Variants in RNF17 observed in about 807,000 individuals in gnomAD.
RNF17 encodes ring finger protein 17.
In RNF17, 31 loss-of-function variants were observed where a neutral mutation model predicts 200.5. The observed-to-expected ratio is 0.15, with a 90% CI of 0.12 to 0.21. The LOEUF (loss-of-function observed/expected upper bound fraction) is 0.21. Ranked by LOEUF, RNF17 falls within the 10% of genes least tolerant of loss-of-function variation. The probability of loss-of-function intolerance (pLI) is 1.00; values close to 1 mark genes in which losing one functional copy is unlikely to be tolerated. For missense variants in RNF17, 1,628 were observed against 1,905.1 expected, an observed-to-expected ratio of 0.85 and a Z score of 2.71; for synonymous variants, 606 against 637.8, an observed-to-expected ratio of 0.95 and a Z score of 0.75.
chr13:24,885,515 A>T, the RNF17 span: 1 of 1,218,974 alleles, frequency 8.2e-7, no homozygotes, highest in Non-Finnish European at 1.2e-6. Flanking sequence ...ACTCTTTTTT[A>T]CACGTGGTTT....
chr13:24,825,514 C>T, intron 15 of RNF17, 105 bp from the exon 16 acceptor site: 4 of 769,412 alleles, frequency 5.2e-6, no homozygotes, highest in Admixed American at 4.9e-5. Flanking sequence ...ACATTCAATT[C>T]AAGTTTTAAT....
In RNF17 at chr13:24,789,421, C is replaced by T; in HGVS notation, c.857C>T (p.Pro286Leu). The T allele has an allele frequency of 6.3e-7, 1 of 1,590,146 alleles. No homozygotes were observed. Among genetic ancestry groups the T allele is most frequent in the Non-Finnish European group, 8.6e-7 (1 of 1,160,356 alleles). The change falls in exon 8 of 36, where the codon CCC becomes CTC. Residue 286 changes from proline (P) to leucine (L), a missense_variant. Pro to Leu is a moderately conservative substitution (Grantham distance 98, BLOSUM62 -3). Coordinates refer to ENST00000255324, the MANE Select transcript of RNF17 (RefSeq NM_031277.3). ...QVSSPQLRNPPRLSVNCSEII... is the reference protein window; with the variant it reads ...QVSSPQLRNPLRLSVNCSEII... Reference sequence around the variant, plus strand: ...AGTTCTCCACAACTAAGGAACCCTCCCAGGTAAGTAAGTCATAGTTCAGGA... The same window carrying T: ...AGTTCTCCACAACTAAGGAACCCTCTCAGGTAAGTAAGTCATAGTTCAGGA...
chr13:24,789,388 C>A lies in RNF17; in HGVS notation c.824C>A (p.Ala275Glu), dbSNP rs1883554340. The A allele has an allele frequency of 2.5e-6, 4 of 1,605,266 alleles. No homozygotes were observed. The Admixed American group carries it at 5.0e-5, about 20-fold the overall frequency. ...CAGTTAACTTCAGATAGTGAATTAG[C>A]ACAAGTTAGTTCTCCACAACTAAGG... ...TLQLTSDSEL[A>E]QVSSPQLRNP... The change falls in exon 8 of 36, where the codon GCA (alanine) becomes GAA (glutamate). Residue 275 changes from alanine to glutamate, a missense_variant. Physicochemically the swap from Ala to Glu is moderately radical, Grantham distance 107. This residue lies in a region of RNF17 where 502 missense variants were observed against 501.7 expected (regional missense o/e 1.00). Transcript: ENST00000255324.
intron 25 of RNF17, among the ~76,000 whole-genome samples, chr13:24,854,735 C>T (rs1892282477): frequency 6.6e-6 from 1 of 152,032 alleles, no homozygotes; most frequent in Non-Finnish European, 1.5e-5. Context: ...AAGGATGACT[C>T]CCACAATGGG....
At chr13:24,836,522 T>C (rs978995538) in intron 18 of RNF17, among the ~76,000 whole-genome samples, 1 of 152,158 alleles carries the variant, frequency 6.6e-6, no homozygotes, top group African/African-American at 2.4e-5. Context: ...GCAGAAACCC[T>C]ACAAGCTGGA....
intron 2 of RNF17, 122 bp downstream of exon 2, chr13:24,767,488 GC>G: frequency 3.2e-6 from 2 of 632,920 alleles, no homozygotes; most frequent in Non-Finnish European, 5.5e-6. Context: ...GGTGGCTGAC[GC>G]CTGTAATCCC....
chr13:24,841,956 ACT>A (rs1386357396), intron 18 of RNF17, 83 bp from the exon 19 acceptor site: 2 of 1,188,040 alleles, frequency 1.7e-6, no homozygotes, highest in African/African-American at 1.6e-5. Context: ...ACAGAGTGAG[ACT>A]CTGTCTCCAA....
At chr13:24,851,338 C>T in intron 23 of RNF17, 118 bp from the exon 24 acceptor site, 1 of 748,568 alleles carries the variant, frequency 1.3e-6, no homozygotes, top group South Asian at 1.6e-5. Context: ...TAACTTGACT[C>T]AGCTGGGAAT....
chr13:24,825,986 G>T (rs1888580399), intron 16 of RNF17: 2 of 985,146 alleles, frequency 2.0e-6, no homozygotes, highest in Non-Finnish European at 1.2e-6. Flanking sequence ...TGGGAATCTT[G>T]CTGGAAAAGT....
intron 25 of RNF17, 134 bp from the exon 26 acceptor site, chr13:24,858,867 C>T (rs1892800712): frequency 2.2e-6 from 1 of 459,890 alleles, no homozygotes; most frequent in South Asian, 2.7e-5. Flanking sequence ...TGTTTTAAAA[C>T]ACACACAGAT....
chr13:24,762,392 AAG>A (rs1555261673), upstream of RNF17, among the ~76,000 whole-genome samples: 1 of 146,252 alleles, frequency 6.8e-6, no homozygotes, highest in African/African-American at 2.5e-5. Flanking sequence ...AAAAAAAAAA[AAG>A]AGAATATGAA....
rs1346663094 is a variant in RNF17, at chr13:24,764,236, T to A, written c.33T>A (p.Ser11=). 1 of 1,607,016 alleles carries A rather than the reference T, an allele frequency of 6.2e-7. No homozygotes were observed. Among genetic ancestry groups the A allele is most frequent in the African/African-American group, 1.3e-5 (1 of 74,860 alleles). ...CAGAGGCTTCGAAGACTGGGCCTTC[T>A]AGGTCTTCCTACCAGCGAATGGGGA... MAAEASKTGP[S]RSSYQRMGRK... Residue 11 remains serine (S), a synonymous_variant, in exon 1 of 36, where the codon TCT becomes TCA. Coordinates refer to ENST00000255324, the MANE Select transcript of RNF17 (RefSeq NM_031277.3).
rs1891046646 is a variant in RNF17, at chr13:24,844,646, C to T, written c.2832-6C>T. ...TTGGAAAGTTAAATATTTTTTATCT[C>T]TATAGTTTAGAAGAAAAGATGATAG... is the stretch of plus-strand genomic sequence containing the variant. On this transcript the variant is annotated splice_region_variant and splice_polypyrimidine_tract_variant and intron_variant, in intron 20 of 35. Transcript: ENST00000255324. 1 of 1,572,888 alleles carries T rather than the reference C, an allele frequency of 6.4e-7. No homozygotes were observed. Among genetic ancestry groups the T allele is most frequent in the Admixed American group, 1.7e-5 (1 of 57,190 alleles).
chr13:24,756,198 C>T, the RNF17 span, among the ~76,000 whole-genome samples: 2 of 151,900 alleles, frequency 1.3e-5, no homozygotes, highest in African/African-American at 4.8e-5. Context: ...AAAATAATGT[C>T]ATAAAAATAT....
At chr13:24,771,410 G>A (rs1880678443) in intron 2 of RNF17, among the ~76,000 whole-genome samples, 1 of 141,760 alleles carries the variant, frequency 7.1e-6, no homozygotes, top group African/African-American at 2.6e-5. Flanking sequence ...GCCCAGGCTG[G>A]TCACGCCTTA....
intron 18 of RNF17, among the ~76,000 whole-genome samples, chr13:24,834,164 G>A (rs1006990710): frequency 6.6e-6 from 1 of 151,900 alleles, no homozygotes; most frequent in Non-Finnish European, 1.5e-5. Context: ...CCAGTATTTT[G>A]GGAGGTCAGA....
At position 24,870,725 on chromosome 13, in the gene RNF17, C is replaced by T. The variant is rs764724343; in HGVS notation, c.4433C>T (p.Thr1478Met). 2.0e-5 allele frequency: 32 copies of T among 1,613,508 alleles called. No individual in the cohort carries two copies. In the Admixed American group the frequency reaches 3.2e-4, roughly 16 times the overall value. The part of the protein sequence containing the change: ...NKKVEALPPL[T>M]DFRTEMPCLA... ...AAGGTAGAGGCGCTTCCTCCTCTGA[C>T]GGATTTTAGAACAGGTATACTTACT... Residue 1478 changes from threonine (T) to methionine (M), a missense_variant, in exon 32 of 36, where the codon ACG (threonine) becomes ATG (methionine). Physicochemically the swap from Thr to Met is moderately conservative, Grantham distance 81. Around this residue, in one of 5 missense-constraint regions of RNF17, gnomAD observed 609 missense variants for 681.9 expected, o/e 0.89. Transcript: ENST00000255324.
At chr13:24,857,231 T>C (rs1257017803) in intron 25 of RNF17, among the ~76,000 whole-genome samples, 1 of 152,212 alleles carries the variant, frequency 6.6e-6, no homozygotes, top group South Asian at 2.1e-4. Context: ...GATTTTACTC[T>C]TTCCTCCATG....
At chr13:24,769,889 G>C (rs959491210) in intron 2 of RNF17, among the ~76,000 whole-genome samples, 8 of 152,096 alleles carry the variant, frequency 5.3e-5, no homozygotes, top group African/African-American at 1.9e-4. Context: ...ATAGTTGAAT[G>C]GTTTTTGATA....
Sources: allele counts gnomAD v4.1 joint callset (sites outside exome capture counted in the v4.1 genomes callset), GRCh38; gene constraint gnomAD v4.1.1; regional missense constraint gnomAD v4.1.1; transcripts MANE v1.5; gene names NCBI Gene and HGNC (gene_info 2026-07-23, HGNC 2026-07-21).